The following PTPN13 variants were observed in gnomAD, a reference collection of about 807,000 sequenced individuals.
PTPN13 encodes protein tyrosine phosphatase non-receptor type 13, also known as tyrosine-protein phosphatase non-receptor type 13.
Under a neutral mutation model 284.0 loss-of-function variants are expected in PTPN13, and 191 were observed. The observed-to-expected ratio is 0.67, with a 90% CI of 0.60 to 0.76. The LOEUF (loss-of-function observed/expected upper bound fraction) is 0.76, where lower values mean the gene tolerates loss of function less well. Ranked by LOEUF, PTPN13 falls within the 30% of genes least tolerant of loss-of-function variation. The probability of loss-of-function intolerance (pLI) is 0.00; values close to 1 mark genes in which losing one functional copy is unlikely to be tolerated. For synonymous variants in PTPN13, 986 were observed against 1,022.3 expected (o/e 0.96, Z 0.68); for missense variants, 2,797 against 2,939.9 (o/e 0.95, Z 1.12).
intron 10 of PTPN13, among the ~76,000 whole-genome samples, chr4:86,726,335 G>T (rs1292183111): frequency 6.7e-6 from 1 of 149,456 alleles, no homozygotes; most frequent in Non-Finnish European, 1.5e-5. Context: ...CTTTAAAGTA[G>T]TTTTTTCTTA....
chr4:86,621,537 G>T (rs1045472808), intron 1 of PTPN13, among the ~76,000 whole-genome samples: 4 of 151,920 alleles, frequency 2.6e-5, no homozygotes, highest in African/African-American at 9.7e-5. Context: ...TTTTTTGGTG[G>T]CAAAACCTGA....
chr4:86,689,720 C>G (rs1288770284), intron 5 of PTPN13: 1 of 702,404 alleles, frequency 1.4e-6, no homozygotes. Flanking sequence ...TTCCCCAAGA[C>G]CTGGACTCTT....
At chr4:86,646,108 A>G (rs1295913856) in intron 2 of PTPN13, among the ~76,000 whole-genome samples, 2 of 152,100 alleles carry the variant, frequency 1.3e-5, no homozygotes, top group Non-Finnish European at 1.5e-5. Flanking sequence ...TTCTTAAAAA[A>G]AAATGAGACG....
intron 23 of PTPN13, among the ~76,000 whole-genome samples, chr4:86,759,568 C>T (rs147285596): frequency 8.5e-5 from 13 of 152,224 alleles, no homozygotes; most frequent in Non-Finnish European, 1.6e-4. Context: ...TTATTTGTTA[C>T]GAGGATCAAG....
chr4:86,704,002 G>A (rs536457785), intron 7 of PTPN13, among the ~76,000 whole-genome samples: 24 of 150,766 alleles, frequency 1.6e-4, no homozygotes, highest in African/African-American at 5.1e-4. Flanking sequence ...GAGAAACCCC[G>A]TCTTTACTGA....
At chr4:86,781,792 G>A (rs28676725) in intron 36 of PTPN13, among the ~76,000 whole-genome samples, 2,310 of 151,920 alleles carry the variant, frequency 0.015, 72 homozygotes, top group African/African-American at 0.053. Context: ...GTGAAACCCC[G>A]TCTCTACTAA....
At chr4:86,809,389 C>T (rs991458620) in intron 45 of PTPN13, among the ~76,000 whole-genome samples, 3 of 152,144 alleles carry the variant, frequency 2.0e-5, no homozygotes, top group Admixed American at 1.3e-4. Context: ...AATTTGAAAG[C>T]ACAATATAAT....
At chr4:86,670,024 A>G (rs542301568) in intron 2 of PTPN13, among the ~76,000 whole-genome samples, 1 of 151,920 alleles carries the variant, frequency 6.6e-6, no homozygotes, top group East Asian at 1.9e-4. Flanking sequence ...AAGAAGTGTT[A>G]GAGGGATGTT....
At chr4:86,792,523 C>G (rs2149340710) in intron 40 of PTPN13, among the ~76,000 whole-genome samples, 1 of 152,292 alleles carries the variant, frequency 6.6e-6, no homozygotes, top group African/African-American at 2.4e-5. Flanking sequence ...CAAAGATACT[C>G]CTTGAAAAGA....
intron 44 of PTPN13, 85 bp from the exon 45 acceptor site, chr4:86,807,475 A>T: frequency 9.9e-7 from 1 of 1,011,770 alleles, no homozygotes; most frequent in Non-Finnish European, 1.5e-6. Flanking sequence ...AGAATTTCTC[A>T]TGATCTTTGA....
chr4:86,600,183 C>T (rs1435400111), intron 1 of PTPN13, among the ~76,000 whole-genome samples: 1 of 151,796 alleles, frequency 6.6e-6, no homozygotes, highest in East Asian at 1.9e-4. Context: ...TAAAGAATTC[C>T]CAATGTTTGG....
chr4:86,758,183 T>G (rs879770739), intron 20 of PTPN13, 77 bp from the exon 21 acceptor site: 163 of 1,004,668 alleles, frequency 1.6e-4, no homozygotes, highest in Non-Finnish European at 2.2e-4. Context: ...TTGTTAACAT[T>G]TAAATTGTTA....
chr4:86,687,897 C>T (rs1050942454), intron 4 of PTPN13, among the ~76,000 whole-genome samples: 1 of 151,964 alleles, frequency 6.6e-6, no homozygotes, highest in African/African-American at 2.4e-5. Context: ...GATCAGAAAT[C>T]AGGATATTTT....
chr4:86,666,467 G>T (rs1727092287), intron 2 of PTPN13, among the ~76,000 whole-genome samples: 1 of 152,104 alleles, frequency 6.6e-6, no homozygotes. Context: ...CTGTGGTATA[G>T]ACTTAAAATG....
intron 2 of PTPN13, among the ~76,000 whole-genome samples, chr4:86,656,812 T>C (rs929735966): frequency 1.3e-5 from 2 of 152,248 alleles, no homozygotes; most frequent in Non-Finnish European, 2.9e-5. Flanking sequence ...GGCTATGCCC[T>C]GCCCCCAGAG....
Position 86,748,664 on chromosome 4 carries a change from AT to A in PTPN13, c.2651-1795del, listed in dbSNP as rs869198172. 6.4e-3 allele frequency among the ~76,000 whole-genome samples: 952 copies of A among 149,138 alleles called. 14 individuals are homozygous for A. The highest frequency in any genetic ancestry group is 0.021 in the African/African-American group (875 of 40,876). On this transcript the variant is annotated intron_variant, in intron 17 of 47. Transcript: ENST00000411767. ...TTTTGAGGTAAAGATGATTATGGAA[AT>A]TTTTTTTTTTAATGTAGTATCGCTC... is the stretch of plus-strand genomic sequence containing the variant.
chr4:86,629,715 T>A (rs1445589869), intron 1 of PTPN13, among the ~76,000 whole-genome samples: 1 of 152,144 alleles, frequency 6.6e-6, no homozygotes, highest in East Asian at 1.9e-4. Context: ...TTATTGAAAA[T>A]TATTTTTAAA....
chr4:86,815,138 C>T lies in PTPN13; in HGVS notation c.*587C>T, dbSNP rs146631036. 4.6e-3 allele frequency: 702 copies of T among 152,690 alleles called. 3 individuals carry two copies. Among genetic ancestry groups the T allele is most frequent in the Middle Eastern group, 0.014 (4 of 294 alleles). The allele number at this position is 152,690 out of a possible 1,614,324, so 9.5% of individuals were successfully genotyped here. On this transcript the variant is annotated 3_prime_UTR_variant, in exon 48 of 48. Transcript: ENST00000411767. ...ATCTCACTTTGTAAATAAAAACACACCTTAAAACATGAACAAGCCAAAACT... is the reference window on the plus strand; with the variant it reads ...ATCTCACTTTGTAAATAAAAACACATCTTAAAACATGAACAAGCCAAAACT...
chr4:86,732,483 T>TG lies in PTPN13; in HGVS notation c.1683+9_1683+10insG. 1 of 1,596,598 alleles carries TG rather than the reference T, an allele frequency of 6.3e-7. No individual in the cohort carries two copies. The highest frequency in any genetic ancestry group is 1.7e-4 in the Middle Eastern group (1 of 6,018). On this transcript the variant is annotated intron_variant, in intron 11 of 47. Coordinates refer to ENST00000411767, the MANE Select transcript of PTPN13 (RefSeq NM_080683.3). The stretch of plus-strand genomic sequence containing the variant: ...TGCCACGGTCTATTCTTGTAAGTAA[T>TG]AAAACCAATTTGTGTCACTCTTAGA...
Sources: allele counts gnomAD v4.1 joint callset (sites outside exome capture counted in the v4.1 genomes callset), GRCh38; gene constraint gnomAD v4.1.1; transcripts MANE v1.5; gene names NCBI Gene and HGNC (gene_info 2026-07-23, HGNC 2026-07-21).